FLNC: variants seen among roughly 807,000 people sequenced by gnomAD.
The protein encoded by FLNC is filamin C, also known as filamin-C.
A neutral mutation model predicts 254.3 loss-of-function variants in FLNC; 91 were observed. The ratio of observed to expected loss-of-function variants is 0.36; its 90% CI spans 0.30 to 0.43. FLNC has a LOEUF of 0.43. Among genes scored for constraint, FLNC ranks in the 20% least tolerant of loss-of-function variants. The pLI is 1.00. For missense variants in FLNC, 2,853 were observed against 3,802.6 expected, an observed-to-expected ratio of 0.75 and a Z score of 6.57; for synonymous variants, 1,430 against 1,577.2, an observed-to-expected ratio of 0.91 and a Z score of 2.21.
Position 128,847,735 on chromosome 7 carries a change from C to G in FLNC, c.4327C>G (p.Pro1443Ala). ...CGTGCCAGTGAAGGATGTGGTGGAC[C>G]CTGGGAAGGTGAAGTGCTCAGGGCC... ...FRVPVKDVVDPGKVKCSGPGL... is the reference protein window; with the variant it reads ...FRVPVKDVVDAGKVKCSGPGL... The change falls in exon 25 of 48, where the codon CCT (proline) becomes GCT (alanine). Residue 1443 changes from proline (P) to alanine (A), a missense_variant. Coordinates refer to ENST00000325888, the MANE Select transcript of FLNC (RefSeq NM_001458.5). 6.2e-7 allele frequency: 1 copy of G among 1,614,100 alleles called. No homozygotes were observed. Among genetic ancestry groups the G allele is most frequent in the Non-Finnish European group, 8.5e-7 (1 of 1,179,990 alleles).
intron 42 of FLNC, 124 bp from the exon 43 acceptor site, chr7:128,855,075 A>C: frequency 9.6e-7 from 1 of 1,043,722 alleles, no homozygotes; most frequent in Non-Finnish European, 1.5e-6. Context: ...CCTCAGAAAC[A>C]TGTGTCTGCC....
Position 128,845,105 on chromosome 7 carries a change from A to T in FLNC, c.3640A>T (p.Ile1214Phe). Reference sequence around the variant, plus strand: ...CAACAACGCGGATGGCACCTACCACATCACCTACAGCCCTGCCTTCCCTGG... The same window carrying T: ...CAACAACGCGGATGGCACCTACCACTTCACCTACAGCCCTGCCTTCCCTGG... ...IHNNADGTYH[I>F]TYSPAFPGTY... Residue 1214 changes from isoleucine to phenylalanine, a missense_variant, in exon 21 of 48, where the codon ATC becomes TTC. Coordinates refer to ENST00000325888, the MANE Select transcript of FLNC (RefSeq NM_001458.5). 1 of 1,613,678 alleles carries T rather than the reference A, an allele frequency of 6.2e-7. No individual in the cohort carries two copies. The highest frequency in any genetic ancestry group is 8.5e-7 in the Non-Finnish European group (1 of 1,180,026).
Position 128,854,229 on chromosome 7 carries a change from C to T in FLNC, c.6727+13C>T, listed in dbSNP as rs1392978880. On this transcript the variant is annotated intron_variant, in intron 40 of 47. Transcript: ENST00000325888. ...CGGCAGCAGGAGGGTGAGCACCGCACACTGGGCCGGCCGGGTCCTCACGGC... is the reference window on the plus strand; with the variant it reads ...CGGCAGCAGGAGGGTGAGCACCGCATACTGGGCCGGCCGGGTCCTCACGGC... The T allele has an allele frequency of 1.2e-6, 2 of 1,605,814 alleles. No individual in the cohort carries two copies. The highest frequency in any genetic ancestry group is 1.7e-6 in the Non-Finnish European group (2 of 1,176,628).
In FLNC at chr7:128,841,283, A is replaced by G. The variant is rs1808322583; in HGVS notation, c.1927A>G (p.Ile643Val). The change falls in exon 12 of 48, where the codon ATC becomes GTC. Residue 643 changes from isoleucine to valine, a missense_variant. Transcript: ENST00000325888. The surrounding 1 kb of genome is among the most constrained non-coding windows in gnomAD (Gnocchi z 4.3). ...GCCTGGGGAGTACGCTGTGCACGTC[A>G]TCTGTGACGATGAGGACATCCGAGA... is the stretch of plus-strand genomic sequence containing the variant. ...TEPGEYAVHV[I>V]CDDEDIRDSP... 2 of 1,614,050 alleles carry G rather than the reference A, an allele frequency of 1.2e-6. No individual in the cohort carries two copies. The highest frequency in any genetic ancestry group is 8.5e-7 in the Non-Finnish European group (1 of 1,179,988).
intron 1 of FLNC, among the ~76,000 whole-genome samples, chr7:128,832,114 T>C (rs1289315558): frequency 6.6e-6 from 1 of 152,150 alleles, no homozygotes; most frequent in Non-Finnish European, 1.5e-5. Flanking sequence ...CACTCTCCCT[T>C]GGGGCCATCT....
intron 32 of FLNC, 82 bp from the exon 33 acceptor site, chr7:128,850,721 G>A: frequency 6.3e-7 from 1 of 1,595,500 alleles, no homozygotes; most frequent in Non-Finnish European, 8.5e-7. Flanking sequence ...GGCAGCAGAA[G>A]CACTCAGGAC....
Position 128,848,024 on chromosome 7 carries a change from C to A in FLNC, c.4536C>A (p.Pro1512=). The A allele has an allele frequency of 6.2e-7, 1 of 1,607,550 alleles. No individual in the cohort carries two copies. Among genetic ancestry groups the A allele is most frequent in the Non-Finnish European group, 8.5e-7 (1 of 1,176,828 alleles). ...ACTACACCCCAGCCACTGACGGGCC[C>A]TACACGGTAGCCGTCAAGTATGCTG... ...TVHYTPATDG[P]YTVAVKYADQ... is the part of the protein sequence containing the mutation. The change falls in exon 26 of 48, where the codon CCC becomes CCA. Residue 1512 remains proline (P), a synonymous_variant. Transcript: ENST00000325888.
Position 128,841,036 on chromosome 7 carries a change from A to G in FLNC, c.1813+66A>G. On this transcript the variant is annotated intron_variant, in intron 11 of 47. Coordinates refer to ENST00000325888, the MANE Select transcript of FLNC (RefSeq NM_001458.5). The surrounding 1 kb of genome is among the most constrained non-coding windows in gnomAD (Gnocchi z 4.3). ...AGGGCAGCAGGGGACACTGTGGGTA[A>G]TGGGTGCAGTGCGCATGCTGGGGAG... 1 of 1,566,730 alleles carries G rather than the reference A, an allele frequency of 6.4e-7. No homozygotes were observed. Among genetic ancestry groups the G allele is most frequent in the South Asian group, 1.1e-5 (1 of 88,284 alleles).
rs758474467 is a variant in FLNC at position 128,850,993 on chromosome 7, G to GTAGCTTCAGTCC, written c.5539+52_5539+63dup. 3.1e-6 allele frequency: 5 copies of GTAGCTTCAGTCC among 1,594,108 alleles called. No individual in the cohort carries two copies. In the South Asian group the frequency reaches 5.5e-5, roughly 18 times the overall value. ...GGGGCTTGGGTGAGAGGAGCAGGCCGTAGCTTCAGTCCTGCCTTCCCTCTT... is the reference window on the plus strand; with the variant it reads ...GGGGCTTGGGTGAGAGGAGCAGGCCGTAGCTTCAGTCCTAGCTTCAGTCCTGCCTTCCCTCTT... On this transcript the variant is annotated intron_variant, in intron 33 of 47. Transcript: ENST00000325888.
rs537114122 is a variant in FLNC, at chr7:128,852,881, A to T, written c.6058A>T (p.Ser2020Cys). 1.9e-6 allele frequency: 3 copies of T among 1,613,690 alleles called. No homozygotes were observed. The highest frequency in any genetic ancestry group is 2.2e-5 in the East Asian group (1 of 44,884). Reference sequence around the variant, plus strand: ...GGAGCACGTGGTGAGCGTGCGCAAGAGTGGCAAGCATGTCACCAACAGCCC... The same window carrying T: ...GGAGCACGTGGTGAGCGTGCGCAAGTGTGGCAAGCATGTCACCAACAGCCC... ...VGEHVVSVRK[S>C]GKHVTNSPFK... Residue 2020 changes from serine (S) to cysteine (C), a missense_variant, in exon 37 of 48, where the codon AGT (serine) becomes TGT (cysteine). Coordinates refer to ENST00000325888, the MANE Select transcript of FLNC (RefSeq NM_001458.5).
chr7:128,847,933 C>A lies in FLNC; in HGVS notation c.4457-12C>A, dbSNP rs773859670. The A allele has an allele frequency of 1.2e-6, 2 of 1,613,700 alleles. No individual in the cohort carries two copies. Among genetic ancestry groups the A allele is most frequent in the South Asian group, 1.1e-5 (1 of 91,074 alleles). On this transcript the variant is annotated splice_polypyrimidine_tract_variant and intron_variant, in intron 25 of 47. Transcript: ENST00000325888. ...GCCCGGAGGCTCTGCTGACCCTGTG[C>A]CCCTTGCCCAGGTGTGGCCGAGCCT...
rs201069454 is a variant in FLNC, at chr7:128,849,200, C to T, written c.4947C>T (p.Gly1649=). Residue 1649 remains glycine (G), a synonymous_variant, in exon 29 of 48, where the codon GGC becomes GGT. Transcript: ENST00000325888. ...TTCCAGTGTCCATTGGAGGCCATGG[C>T]CTGGGTGAGTGCCCTTTCTCTCCTC... ...CLVTVSIGGH[G]LGACLGPRIQ... 9.0e-4 allele frequency: 1,456 copies of T among 1,613,924 alleles called. 11 individuals are homozygous for T. In the Middle Eastern group the frequency reaches 0.02, roughly 22 times the overall value.
chr7:128,851,599 C>T lies in FLNC; in HGVS notation c.5813C>T (p.Pro1938Leu), dbSNP rs764747370. Residue 1938 changes from proline to leucine, a missense_variant, in exon 35 of 48, where the codon CCG becomes CTG. Coordinates refer to ENST00000325888, the MANE Select transcript of FLNC (RefSeq NM_001458.5). ...GTGCGCTTCGATGACAAGCACATCC[C>T]GGGGAGCCCCTTCACAGCCAAGATC... is the stretch of plus-strand genomic sequence containing the variant. ...IIVRFDDKHIPGSPFTAKITG... is the reference protein window; with the variant it reads ...IIVRFDDKHILGSPFTAKITG... 8.7e-6 allele frequency: 14 copies of T among 1,613,950 alleles called. No individual in the cohort carries two copies. The highest frequency in any genetic ancestry group is 3.3e-5 in the South Asian group (3 of 91,084).
chr7:128,830,552 C>A lies in FLNC; in HGVS notation c.-86C>A. Reference sequence around the variant, plus strand: ...GAGAGCAGCGCAGCGCAGCGAGTCCCGTGGTCGCGCCCCAACAGCGCCCGA... The same window carrying A: ...GAGAGCAGCGCAGCGCAGCGAGTCCAGTGGTCGCGCCCCAACAGCGCCCGA... On this transcript the variant is annotated 5_prime_UTR_variant, in exon 1 of 48. Transcript: ENST00000325888. 1.8e-6 allele frequency: 2 copies of A among 1,117,070 alleles called. No homozygotes were observed. The highest frequency in any genetic ancestry group is 2.7e-6 in the Non-Finnish European group (2 of 752,610). 69.2% of individuals were successfully genotyped at this position (1,117,070 alleles called of 1,614,324 possible). A position where few individuals can be genotyped will look rare whatever the true frequency, so the allele number is the denominator to read the frequency against.
At position 128,846,448 on chromosome 7, in the gene FLNC, T is replaced by G; in HGVS notation, c.4112T>G (p.Phe1371Cys). ...EGGLVNKANR[F>C]TVETRGAGTG... Reference sequence around the variant, plus strand: ...GGCTTGGTCAACAAGGCCAACCGATTCACTGTGGAGACCAGGTATCCTCCC... The same window carrying G: ...GGCTTGGTCAACAAGGCCAACCGATGCACTGTGGAGACCAGGTATCCTCCC... The change falls in exon 23 of 48, where the codon TTC becomes TGC. Residue 1371 changes from phenylalanine to cysteine, a missense_variant. Physicochemically the swap from Phe to Cys is radical, Grantham distance 205 (BLOSUM62 -2). Around this residue, in one of 10 missense-constraint regions of FLNC, gnomAD observed 1,573 missense variants for 1,883.5 expected, o/e 0.84. Transcript: ENST00000325888. 1 of 1,602,622 alleles carries G rather than the reference T, an allele frequency of 6.2e-7. No homozygotes were observed. Among genetic ancestry groups the G allele is most frequent in the Non-Finnish European group, 8.5e-7 (1 of 1,179,940 alleles).
Position 128,852,864 on chromosome 7 carries a change from T to C in FLNC, c.6041T>C (p.Val2014Ala), listed in dbSNP as rs765064363. 4.9e-5 allele frequency: 79 copies of C among 1,613,714 alleles called. No individual in the cohort carries two copies. Among genetic ancestry groups the C allele is most frequent in the Non-Finnish European group, 6.4e-5 (75 of 1,180,028 alleles). Residue 2014 changes from valine (V) to alanine (A), a missense_variant, in exon 37 of 48, where the codon GTG becomes GCG. Coordinates refer to ENST00000325888, the MANE Select transcript of FLNC (RefSeq NM_001458.5). ...ACCCCCAAGGAGGTCGGGGAGCACG[T>C]GGTGAGCGTGCGCAAGAGTGGCAAG... ...SFTPKEVGEH[V>A]VSVRKSGKHV...
intron 1 of FLNC, among the ~76,000 whole-genome samples, chr7:128,832,440 A>G (rs894203840): frequency 6.6e-6 from 1 of 152,274 alleles, no homozygotes; most frequent in South Asian, 2.1e-4. Flanking sequence ...GAAAGGCAGG[A>G]CTGACTGTAC....
intron 39 of FLNC, 42 bp from the exon 40 acceptor site, chr7:128,853,932 C>T (rs772373465): frequency 7.4e-6 from 12 of 1,613,052 alleles, no homozygotes; most frequent in African/African-American, 2.7e-5. Flanking sequence ...GCTTCCTCAC[C>T]CCTCGCTTCC....
At position 128,849,482 on chromosome 7, in the gene FLNC, C is replaced by T; in HGVS notation, c.5103C>T (p.Thr1701=). 1 of 1,614,212 alleles carries T rather than the reference C, an allele frequency of 6.2e-7. No homozygotes were observed. The highest frequency in any genetic ancestry group is 8.5e-7 in the Non-Finnish European group (1 of 1,180,026). The change falls in exon 30 of 48, where the codon ACC becomes ACT. Residue 1701 remains threonine (T), a synonymous_variant. Transcript: ENST00000325888. ...DVDVVENHDG[T]FDIYYTAPEP... is the part of the protein sequence containing the mutation. ...ATGTGGTTGAGAACCATGACGGTAC[C>T]TTTGACATCTACTACACAGCGCCCG...
Sources: gnomAD v4.1 joint callset for allele counts (sites outside exome capture counted in the v4.1 genomes callset) on GRCh38, gnomAD v4.1.1 for gene constraint, gnomAD v4.1.1 regional missense constraint, Gnocchi (gnomAD v3.1) non-coding constraint, MANE v1.5 for transcripts, NCBI Gene and HGNC (gene_info 2026-07-23, HGNC 2026-07-21) for gene names.